LMTK2: variants seen among roughly 807,000 people sequenced by gnomAD.
LMTK2 encodes the protein serine/threonine-protein kinase LMTK2.
A neutral mutation model predicts 127.5 loss-of-function variants in LMTK2; 37 were observed. That is an observed-to-expected ratio of 0.29 (90% CI 0.22 to 0.38). The LOEUF is 0.38. Among genes scored for constraint, LMTK2 ranks in the 10% least tolerant of loss-of-function variants. The probability of loss-of-function intolerance (pLI) is 1.00; values close to 1 mark genes in which losing one functional copy is unlikely to be tolerated. For missense variants in LMTK2, 1,694 were observed against 1,920.3 expected, an observed-to-expected ratio of 0.88 and a Z score of 2.20; for synonymous variants, 819 against 810.1, an observed-to-expected ratio of 1.01 and a Z score of -0.19.
chr7:98,201,470 A>T (rs900677955), intron 11 of LMTK2, among the ~76,000 whole-genome samples: 9 of 151,994 alleles, frequency 5.9e-5, no homozygotes, highest in Non-Finnish European at 1.2e-4. Flanking sequence ...AGCATTTTGG[A>T]TTTTTGGTTT....
chr7:98,127,014 C>G (rs1282654086), intron 1 of LMTK2, among the ~76,000 whole-genome samples: 1 of 152,162 alleles, frequency 6.6e-6, no homozygotes, highest in African/African-American at 2.4e-5. Flanking sequence ...CTTCATTTCC[C>G]TTTTCCTTTC....
chr7:98,150,402 C>A (rs1377854234), intron 3 of LMTK2, among the ~76,000 whole-genome samples: 2 of 151,988 alleles, frequency 1.3e-5, no homozygotes, highest in African/African-American at 4.8e-5. Context: ...CAAGTGATGG[C>A]AAAGAGACGG....
chr7:98,194,033 C>G lies in LMTK2; in HGVS notation c.3568C>G (p.Gln1190Glu). 6.2e-7 allele frequency: 1 copy of G among 1,614,164 alleles called. No homozygotes were observed. The highest frequency in any genetic ancestry group is 8.5e-7 in the Non-Finnish European group (1 of 1,180,042). ...GCCAGCACAGACTGGTGTTCCCCAG[C>G]AGGTGCATCCCACGGAAGACGAGGC... ...PEPAQTGVPQ[Q>E]VHPTEDEASS... is the part of the protein sequence containing the mutation. The change falls in exon 11 of 14, where the codon CAG becomes GAG. Residue 1190 changes from glutamine (Q) to glutamate (E), a missense_variant. Transcript: ENST00000297293. This position sits in a 1 kb window ranked among gnomAD's most constrained non-coding sequence, Gnocchi z 5.4.
chr7:98,127,904 A>C (rs1353384187), intron 1 of LMTK2, among the ~76,000 whole-genome samples: 1 of 152,214 alleles, frequency 6.6e-6, no homozygotes, highest in African/African-American at 2.4e-5. Context: ...GCACTTTGGG[A>C]GGCCAAGGTG....
At chr7:98,141,575 G>A (rs370188194) in intron 3 of LMTK2, 34 bp downstream of exon 3, 123 of 1,596,854 alleles carry the variant, frequency 7.7e-5, no homozygotes, top group Middle Eastern at 1.7e-4. Context: ...ACGTTTTCAT[G>A]AATTGTTTCT....
At chr7:98,137,250 G>C in intron 1 of LMTK2, 65 bp from the exon 2 acceptor site, 1 of 1,465,816 alleles carries the variant, frequency 6.8e-7, no homozygotes, top group Middle Eastern at 2.0e-4. Flanking sequence ...AAAATATATT[G>C]ATTCACTAAT....
intron 1 of LMTK2, among the ~76,000 whole-genome samples, chr7:98,116,746 G>A (rs769563913): frequency 6.6e-6 from 1 of 152,152 alleles, no homozygotes; most frequent in African/African-American, 2.4e-5. Flanking sequence ...TCCACAGCTT[G>A]TTCAGTTTCT....
intron 10 of LMTK2, 87 bp downstream of exon 10, chr7:98,190,964 ATGTTTC>A: frequency 8.1e-7 from 1 of 1,239,924 alleles, no homozygotes; most frequent in Non-Finnish European, 1.2e-6. Flanking sequence ...GCCAAATATT[ATGTTTC>A]TTCATTTCCT....
At chr7:98,120,630 C>T (rs1462345572) in intron 1 of LMTK2, among the ~76,000 whole-genome samples, 1 of 152,148 alleles carries the variant, frequency 6.6e-6, no homozygotes, top group African/African-American at 2.4e-5. Context: ...ATAAATTAAA[C>T]TTGTGCCCCT....
At chr7:98,145,058 A>G (rs1049085277) in intron 3 of LMTK2, among the ~76,000 whole-genome samples, 1 of 152,182 alleles carries the variant, frequency 6.6e-6, no homozygotes, top group African/African-American at 2.4e-5. Context: ...ACATGTGTTT[A>G]TAATTTTGGT....
At position 98,194,215 on chromosome 7, in the gene LMTK2, C is replaced by G. The variant is rs374621271; in HGVS notation, c.3750C>G (p.His1250Gln). 2.0e-5 allele frequency: 33 copies of G among 1,614,028 alleles called. No homozygotes were observed. Among genetic ancestry groups the G allele is most frequent in the Non-Finnish European group, 2.7e-5 (32 of 1,180,036 alleles). The change falls in exon 11 of 14, where the codon CAC (histidine) becomes CAG (glutamine). Residue 1250 changes from histidine to glutamine, a missense_variant. By Grantham distance (24) the His-to-Gln change is conservative (BLOSUM62 0). Coordinates refer to ENST00000297293, the MANE Select transcript of LMTK2 (RefSeq NM_014916.4). The surrounding 1 kb of genome is among the most constrained non-coding windows in gnomAD (Gnocchi z 5.4). ...CGCTGGACAAGTCCCTGTCCAGCCACTCCGAGGGCCCGAAGTTGAAGGAGC... is the reference window on the plus strand; with the variant it reads ...CGCTGGACAAGTCCCTGTCCAGCCAGTCCGAGGGCCCGAAGTTGAAGGAGC... ...NSALDKSLSS[H>Q]SEGPKLKEPD...
Position 98,151,454 on chromosome 7 carries a change from A to G in LMTK2, c.449A>G (p.Lys150Arg). 1 of 1,610,816 alleles carries G rather than the reference A, an allele frequency of 6.2e-7. No individual in the cohort carries two copies. The highest frequency in any genetic ancestry group is 1.7e-5 in the Admixed American group (1 of 59,992). The change falls in exon 4 of 14, where the codon AAG becomes AGG. Residue 150 changes from lysine (K) to arginine (R), a missense_variant and splice_region_variant. Physicochemically the swap from Lys to Arg is conservative, Grantham distance 26. Coordinates refer to ENST00000297293, the MANE Select transcript of LMTK2 (RefSeq NM_014916.4). ...IQEIGNGWFG[K>R]VLLGEIYTGT... ...GAAATTGGAAATGGCTGGTTTGGAAAGGTAAGATGCTCTTCACTTGCATTT... is the reference window on the plus strand; with the variant it reads ...GAAATTGGAAATGGCTGGTTTGGAAGGGTAAGATGCTCTTCACTTGCATTT...
intron 1 of LMTK2, among the ~76,000 whole-genome samples, chr7:98,114,769 A>G (rs1433463892): frequency 2.6e-5 from 4 of 152,168 alleles, no homozygotes; most frequent in African/African-American, 9.7e-5. Context: ...TATTCCATGC[A>G]AATTCCCATC....
rs769844059 is a variant in LMTK2 at position 98,205,460 on chromosome 7, A to G, written c.4484-4A>G. ...TGTCGTCTCGCTTCCTCTCTCCTCA[A>G]CAGGAAGCAGCGAAGACGGAGAAAA... On this transcript the variant is annotated splice_region_variant and splice_polypyrimidine_tract_variant and intron_variant, in intron 13 of 13. Coordinates refer to ENST00000297293, the MANE Select transcript of LMTK2 (RefSeq NM_014916.4). The G allele has an allele frequency of 1.2e-6, 2 of 1,613,694 alleles. No individual in the cohort carries two copies. Among genetic ancestry groups the G allele is most frequent in the South Asian group, 1.1e-5 (1 of 91,090 alleles).
At chr7:98,157,640 T>TAAAAAAAAAAAAAAAAAAAAAA (rs34715220) in intron 5 of LMTK2, among the ~76,000 whole-genome samples, 3 of 114,392 alleles carry the variant, frequency 2.6e-5, no homozygotes, top group Non-Finnish European at 3.6e-5. Context: ...GCTCCCACAT[T>TAAAAAAAAAAAAAAAAAAAAAA]AAAAAAAAAA....
chr7:98,138,571 A>C (rs924640472), intron 2 of LMTK2, among the ~76,000 whole-genome samples: 3 of 152,140 alleles, frequency 2.0e-5, no homozygotes, highest in African/African-American at 7.2e-5. Flanking sequence ...TAGGCCTTAG[A>C]ACCCCTACAC....
chr7:98,187,143 GAC>G (rs2096777800), intron 9 of LMTK2, 145 bp downstream of exon 9: 1 of 723,220 alleles, frequency 1.4e-6, no homozygotes, highest in African/African-American at 1.8e-5. Context: ...CAGTTTAAAA[GAC>G]ACAAATAGTA....
chr7:98,153,863 CAAA>C (rs576189874), intron 4 of LMTK2, among the ~76,000 whole-genome samples: 3 of 140,196 alleles, frequency 2.1e-5, no homozygotes, highest in Non-Finnish European at 4.7e-5. Flanking sequence ...AAGACTGTCT[CAAA>C]AAAAAAAAGA....
chr7:98,196,811 C>T (rs150378037), intron 11 of LMTK2, among the ~76,000 whole-genome samples: 9 of 152,224 alleles, frequency 5.9e-5, no homozygotes, highest in Middle Eastern at 3.4e-3. Flanking sequence ...TTAATGGACG[C>T]GAGGCTTTGA....
Sources: gnomAD v4.1 joint callset for allele counts (sites outside exome capture counted in the v4.1 genomes callset) on GRCh38, gnomAD v4.1.1 for gene constraint, Gnocchi (gnomAD v3.1) non-coding constraint, MANE v1.5 for transcripts, NCBI Gene and HGNC (gene_info 2026-07-23, HGNC 2026-07-21) for gene names.